ZNF808: variants seen among roughly 807,000 people sequenced by gnomAD.
ZNF808 encodes zinc finger protein 808.
A neutral mutation model predicts 8.7 loss-of-function variants in ZNF808; 5 were observed. The observed-to-expected ratio is 0.58, with a 90% CI of 0.30 to 1.21. The LOEUF is 1.21. Ranked by LOEUF, ZNF808 falls within the 50% of genes most tolerant of loss-of-function variation. The pLI is 0.07. For synonymous variants in ZNF808, 380 were observed against 366.0 expected, an observed-to-expected ratio of 1.04 and a Z score of -0.44; for missense variants, 1,103 against 1,098.4, an observed-to-expected ratio of 1.00 and a Z score of -0.06.
chr19:52,547,432 A>AT, intron 3 of ZNF808, 80 bp from the exon 4 acceptor site: 1 of 1,601,966 alleles, frequency 6.2e-7, no homozygotes, highest in Non-Finnish European at 8.5e-7. Context: ...ATAAATACTT[A>AT]TTTTCCCTTT....
At chr19:52,528,710 AAC>A (rs2059533435) in intron 1 of ZNF808, among the ~76,000 whole-genome samples, 3 of 152,052 alleles carry the variant, frequency 2.0e-5, no homozygotes, top group African/African-American at 7.2e-5. Context: ...CCGAGGGAGA[AAC>A]ACAGCAGGGA....
intron 1 of ZNF808, among the ~76,000 whole-genome samples, chr19:52,528,807 G>T (rs2123049438): frequency 6.6e-6 from 1 of 152,136 alleles, no homozygotes; most frequent in Non-Finnish European, 1.5e-5. Context: ...GAGCAGAGGA[G>T]GCGCAGAGAT....
chr19:52,564,404 C>T (rs1352269825), exon 4 of ZNF808: 1 of 339,894 alleles, frequency 2.9e-6, no homozygotes, highest in Non-Finnish European at 5.3e-6. Context: ...CAGTAATAAA[C>T]ATGTGAGACC....
At chr19:52,528,732 G>C (rs1433859002) in intron 1 of ZNF808, among the ~76,000 whole-genome samples, 1 of 152,002 alleles carries the variant, frequency 6.6e-6, no homozygotes, top group Non-Finnish European at 1.5e-5. Context: ...AGGACACCTG[G>C]GGATCTGGGG....
rs1568493173 is a variant in ZNF808 at position 52,556,250 on chromosome 19, A to G, written c.*622A>G. The G allele has an allele frequency of 5.5e-6, 1 of 181,778 alleles. No homozygotes were observed. Among genetic ancestry groups the G allele is most frequent in the Non-Finnish European group, 1.2e-5 (1 of 84,822 alleles). 11.3% of individuals were successfully genotyped at this position (181,778 alleles called of 1,614,324 possible). A position where few individuals can be genotyped will look rare whatever the true frequency, so the allele number is the denominator to read the frequency against. ...CAAGGCACATAGGTCACTTGAGGTC[A>G]GAAGTTTGAAACCACCATGGCCAAC... is the stretch of plus-strand genomic sequence containing the variant. On this transcript the variant is annotated 3_prime_UTR_variant, in exon 5 of 5. Transcript: ENST00000359798.
intron 4 of ZNF808, among the ~76,000 whole-genome samples, chr19:52,548,565 G>A (rs1380933984): frequency 6.6e-6 from 1 of 152,104 alleles, no homozygotes; most frequent in Non-Finnish European, 1.5e-5. Context: ...TGGGATTACA[G>A]GCATGTGTCA....
At chr19:52,530,941 C>T (rs1455664916) in intron 1 of ZNF808, among the ~76,000 whole-genome samples, 2 of 152,106 alleles carry the variant, frequency 1.3e-5, no homozygotes, top group Non-Finnish European at 2.9e-5. Flanking sequence ...CACACTACTG[C>T]ACTCCAGCCT....
chr19:52,538,923 C>CTT (rs1183492925), intron 2 of ZNF808, among the ~76,000 whole-genome samples: 2 of 151,998 alleles, frequency 1.3e-5, no homozygotes, highest in Admixed American at 1.3e-4. Flanking sequence ...ACTCCTGTGT[C>CTT]TAAGTGTGGT....
chr19:52,539,541 TGTG>T (rs555418105), intron 2 of ZNF808, among the ~76,000 whole-genome samples: 2,054 of 127,208 alleles, frequency 0.016, 109 homozygotes, highest in Middle Eastern at 0.035. Flanking sequence ...TTATTTTTGT[TGTG>T]GTGGTTTTTT....
Position 52,554,045 on chromosome 19 carries a change from G to T in ZNF808, c.1129G>T (p.Glu377Ter), listed in dbSNP as rs2059806329. 1 of 1,614,116 alleles carries T rather than the reference G, an allele frequency of 6.2e-7. No individual in the cohort carries two copies. The highest frequency in any genetic ancestry group is 8.5e-7 in the Non-Finnish European group (1 of 1,180,004). Residue 377 changes from glutamate to a stop codon, truncating the protein, a stop_gained, in exon 5 of 5, where the codon GAG becomes TAG. Coordinates refer to ENST00000359798, the MANE Select transcript of ZNF808 (RefSeq NM_001039886.4). LOFTEE classifies it low-confidence loss of function (END_TRUNC). Reference protein sequence around the residue: ...GVKPYKCKICEKAFACHSYLA... With the variant: ...GVKPYKCKIC Reference sequence around the variant, plus strand: ...GAAACCTTACAAATGTAAGATTTGTGAGAAGGCTTTTGCGTGTCATTCCTA... The same window carrying T: ...GAAACCTTACAAATGTAAGATTTGTTAGAAGGCTTTTGCGTGTCATTCCTA...
chr19:52,560,105 G>T (rs897952602), downstream of ZNF808, among the ~76,000 whole-genome samples: 1 of 152,170 alleles, frequency 6.6e-6, no homozygotes, highest in Non-Finnish European at 1.5e-5. Flanking sequence ...GGAGGCCCAG[G>T]TGGGTGAATC....
downstream of ZNF808, among the ~76,000 whole-genome samples, chr19:52,558,643 T>G (rs1460866495): frequency 1.3e-5 from 2 of 152,162 alleles, no homozygotes; most frequent in Non-Finnish European, 2.9e-5. Flanking sequence ...GTGCTGGGAT[T>G]ACAGGCATGA....
chr19:52,550,229 G>GT (rs57744050), intron 4 of ZNF808, among the ~76,000 whole-genome samples: 9,216 of 144,520 alleles, frequency 0.064, 311 homozygotes, highest in African/African-American at 0.091. Context: ...TCCAGGGTTG[G>GT]TTTTTTTTTT....
intron 2 of ZNF808, among the ~76,000 whole-genome samples, chr19:52,533,584 C>G (rs2059578863): frequency 6.6e-6 from 1 of 151,550 alleles, no homozygotes; most frequent in African/African-American, 2.4e-5. Context: ...CAGCCACGCG[C>G]AGTGGCTCAC....
chr19:52,549,136 C>T (rs375888123), intron 4 of ZNF808, among the ~76,000 whole-genome samples: 35 of 152,144 alleles, frequency 2.3e-4, no homozygotes, highest in East Asian at 1.3e-3. Flanking sequence ...CCACCATGCC[C>T]GGCTAATGTT....
intron 2 of ZNF808, among the ~76,000 whole-genome samples, chr19:52,536,498 C>T (rs908893451): frequency 6.6e-6 from 1 of 152,110 alleles, no homozygotes; most frequent in African/African-American, 2.4e-5. Flanking sequence ...GGCGCCGTCG[C>T]CCCCTACATC....
intron 3 of ZNF808, among the ~76,000 whole-genome samples, chr19:52,543,898 C>T (rs2059696711): frequency 6.6e-6 from 1 of 151,422 alleles, no homozygotes; most frequent in African/African-American, 2.4e-5. Context: ...GTGGCTTACA[C>T]CTGTAATCCC....
intron 4 of ZNF808, among the ~76,000 whole-genome samples, chr19:52,549,778 A>G (rs2059757878): frequency 6.6e-6 from 1 of 152,010 alleles, no homozygotes; most frequent in Non-Finnish European, 1.5e-5. Flanking sequence ...CAGCCTATTG[A>G]TTTTGTAATG....
downstream of ZNF808, among the ~76,000 whole-genome samples, chr19:52,561,212 CTATA>C (rs374488821): frequency 0.046 from 1,809 of 39,244 alleles, 26 homozygotes; most frequent in East Asian, 0.066. Flanking sequence ...CTCTCTCTCT[CTATA>C]TATATATATA....
Sources: allele counts gnomAD v4.1 joint callset (sites outside exome capture counted in the v4.1 genomes callset), GRCh38; gene constraint gnomAD v4.1.1; transcripts MANE v1.5; gene names NCBI Gene and HGNC (gene_info 2026-07-23, HGNC 2026-07-21).